Variants in UST observed in about 807,000 individuals in gnomAD.
The protein encoded by UST is chondroitin sulfate 2-O-sulfotransferase.
UST carries 21 observed loss-of-function variants against 45.6 expected under a neutral mutation model. The observed-to-expected ratio is 0.46, with a 90% CI of 0.33 to 0.66. The LOEUF (loss-of-function observed/expected upper bound fraction) is 0.66, where lower values mean the gene tolerates loss of function less well. UST is among the 30% of genes least tolerant of loss of function. The pLI is 0.02. For synonymous variants in UST, 215 were observed against 200.6 expected (o/e 1.07, Z -0.61); for missense variants, 463 against 512.4 (o/e 0.90, Z 0.93).
intron 4 of UST, among the ~76,000 whole-genome samples, chr6:148,964,121 C>A (rs1295682118): frequency 2.0e-5 from 3 of 152,200 alleles, no homozygotes; most frequent in African/African-American, 7.2e-5. Context: ...AAACTAGACA[C>A]CATCTCTTCC....
At chr6:148,992,930 A>T in intron 5 of UST, 5 of 929,350 alleles carry the variant, frequency 5.4e-6, no homozygotes, top group Non-Finnish European at 6.4e-6. Flanking sequence ...ATATCATAAA[A>T]TACTTAGGAT....
intron 2 of UST, among the ~76,000 whole-genome samples, chr6:148,895,139 T>C (rs1391029709): frequency 1.3e-5 from 2 of 152,114 alleles, no homozygotes; most frequent in Non-Finnish European, 2.9e-5. Flanking sequence ...TTAAGTTTTT[T>C]TTCCAACCTT....
At chr6:149,064,435 C>T (rs1050084762) in intron 7 of UST, among the ~76,000 whole-genome samples, 5 of 152,176 alleles carry the variant, frequency 3.3e-5, no homozygotes, top group African/African-American at 1.2e-4. Flanking sequence ...TCTTACAATT[C>T]TTGGCACAGA....
rs1779987393 is a variant in UST, at chr6:148,934,744, G to A, written c.292-6535G>A. 6.6e-6 allele frequency among the ~76,000 whole-genome samples: 1 copy of A among 152,202 alleles called. No individual in the cohort carries two copies. The highest frequency in any genetic ancestry group is 1.5e-5 in the Non-Finnish European group (1 of 68,046). On this transcript the variant is annotated intron_variant, in intron 2 of 7. Coordinates refer to ENST00000367463, the MANE Select transcript of UST (RefSeq NM_005715.3). This position sits in a 1 kb window ranked among gnomAD's most constrained non-coding sequence, Gnocchi z 4.1. ...ACAGCACTTCCTCAAAGCTGATGGAGTTGGCAGAGGGCCCTGGTGAGCTTT... is the reference window on the plus strand; with the variant it reads ...ACAGCACTTCCTCAAAGCTGATGGAATTGGCAGAGGGCCCTGGTGAGCTTT...
At chr6:148,920,368 C>T (rs1236957975) in intron 2 of UST, among the ~76,000 whole-genome samples, 1 of 152,098 alleles carries the variant, frequency 6.6e-6, no homozygotes, top group African/African-American at 2.4e-5. Flanking sequence ...GTTCCAGCCT[C>T]GCCCCCACCA....
intron 1 of UST, among the ~76,000 whole-genome samples, chr6:148,852,512 C>G (rs1254850076): frequency 6.6e-6 from 1 of 152,136 alleles, no homozygotes; most frequent in Non-Finnish European, 1.5e-5. Context: ...ATATTACAGT[C>G]TCTTACCATG....
chr6:148,791,433 CAT>C (rs1356202401), intron 1 of UST, among the ~76,000 whole-genome samples: 14 of 152,276 alleles, frequency 9.2e-5, no homozygotes, highest in African/African-American at 3.4e-4. Flanking sequence ...ATTTTTGTTA[CAT>C]ATGTTTTCTG....
chr6:149,040,570 A>G (rs11155615), intron 7 of UST, among the ~76,000 whole-genome samples: 52,512 of 151,980 alleles, frequency 0.35, 10,615 homozygotes, highest in African/African-American at 0.56. Flanking sequence ...CAGGATTATC[A>G]CTTGAACCCA....
chr6:148,977,514 G>A (rs577392905), intron 5 of UST, among the ~76,000 whole-genome samples: 28 of 152,146 alleles, frequency 1.8e-4, no homozygotes, highest in African/African-American at 6.7e-4. Flanking sequence ...CACTTTGGGA[G>A]GCCAGGGCGG....
intron 7 of UST, among the ~76,000 whole-genome samples, chr6:149,045,752 G>A (rs1029433097): frequency 1.3e-5 from 2 of 152,150 alleles, no homozygotes. Context: ...TAAGAGCAAG[G>A]CAACCCCCTT....
intron 1 of UST, among the ~76,000 whole-genome samples, chr6:148,770,046 C>T (rs1246728272): frequency 1.3e-5 from 2 of 152,004 alleles, no homozygotes; most frequent in Non-Finnish European, 2.9e-5. Context: ...AGTTCTAAAA[C>T]ATTGACCCTG....
In UST at chr6:148,973,963, A is replaced by G. The variant is rs561863284; in HGVS notation, c.681+9400A>G. 5.3e-5 allele frequency among the ~76,000 whole-genome samples: 8 copies of G among 152,346 alleles called. No individual in the cohort carries two copies. In the South Asian group the frequency reaches 1.0e-3, roughly 20 times the overall value. On this transcript the variant is annotated intron_variant, in intron 5 of 7. Transcript: ENST00000367463. Reference sequence around the variant, plus strand: ...TTAGATAGTGTGTAATTGGAAAAATACTTGCTTCACTCAGGCTTCTCAAAA... The same window carrying G: ...TTAGATAGTGTGTAATTGGAAAAATGCTTGCTTCACTCAGGCTTCTCAAAA...
intron 7 of UST, among the ~76,000 whole-genome samples, chr6:149,042,408 CAGTGTGGG>C (rs1776326900): frequency 6.6e-6 from 1 of 152,204 alleles, no homozygotes; most frequent in South Asian, 2.1e-4. Flanking sequence ...CTCTCATTAG[CAGTGTGGG>C]CAGAGGGTTA....
intron 1 of UST, among the ~76,000 whole-genome samples, chr6:148,821,454 G>A (rs1029033150): frequency 2.0e-5 from 3 of 152,176 alleles, no homozygotes; most frequent in African/African-American, 7.2e-5. Flanking sequence ...AGGCTGACTT[G>A]TCTTATCACT....
At chr6:149,009,838 T>A (rs2115011982) in intron 5 of UST, among the ~76,000 whole-genome samples, 1 of 151,380 alleles carries the variant, frequency 6.6e-6, no homozygotes, top group Non-Finnish European at 1.5e-5. Flanking sequence ...TTTTTTGACA[T>A]GTACATATTA....
intron 1 of UST, among the ~76,000 whole-genome samples, chr6:148,788,172 A>C (rs1018180434): frequency 6.6e-6 from 1 of 152,182 alleles, no homozygotes; most frequent in Non-Finnish European, 1.5e-5. Context: ...AAACCATCAG[A>C]TCTTGTGAGA....
At chr6:149,008,899 C>T (rs369665341) in intron 5 of UST, among the ~76,000 whole-genome samples, 25 of 152,304 alleles carry the variant, frequency 1.6e-4, no homozygotes, top group Admixed American at 8.5e-4. Flanking sequence ...TGGTTATAAA[C>T]GCTACCAATG....
intron 1 of UST, among the ~76,000 whole-genome samples, chr6:148,839,857 G>C (rs541373557): frequency 2.0e-4 from 30 of 152,226 alleles, no homozygotes; most frequent in African/African-American, 7.2e-4. Flanking sequence ...GTACAGAGAA[G>C]GTAAAAAGGG....
intron 2 of UST, among the ~76,000 whole-genome samples, chr6:148,913,138 G>T (rs1779509541): frequency 6.6e-6 from 1 of 152,154 alleles, no homozygotes; most frequent in Non-Finnish European, 1.5e-5. Flanking sequence ...AATGCCATTG[G>T]CTTTTATGGG....
Sources: gnomAD v4.1 joint callset for allele counts (sites outside exome capture counted in the v4.1 genomes callset) on GRCh38, gnomAD v4.1.1 for gene constraint, Gnocchi (gnomAD v3.1) non-coding constraint, MANE v1.5 for transcripts, NCBI Gene and HGNC (gene_info 2026-07-23, HGNC 2026-07-21) for gene names.